The following PRKD3 variants were observed in gnomAD, a reference collection of about 807,000 sequenced individuals.
PRKD3 encodes the protein serine/threonine-protein kinase D3.
PRKD3 carries 47 observed loss-of-function variants against 99.2 expected under a neutral mutation model. The observed-to-expected ratio is 0.47, with a 90% CI of 0.38 to 0.60. The LOEUF is 0.60. Ranked by LOEUF, PRKD3 falls within the 20% of genes least tolerant of loss-of-function variation. The pLI, the probability that PRKD3 is intolerant of heterozygous loss-of-function variation, is 0.00. For missense variants in PRKD3, 1,019 were observed against 1,088.4 expected, an observed-to-expected ratio of 0.94 and a Z score of 0.90; for synonymous variants, 392 against 355.4, an observed-to-expected ratio of 1.10 and a Z score of -1.16.
At chr2:37,292,683 T>C (rs1670492244) in intron 3 of PRKD3, among the ~76,000 whole-genome samples, 1 of 151,688 alleles carries the variant, frequency 6.6e-6, no homozygotes, top group Non-Finnish European at 1.5e-5. Context: ...TCTCGCTCTG[T>C]TGTCCAGGCG....
chr2:37,280,078 G>GT (rs1157538703), intron 7 of PRKD3, 149 bp from the exon 8 acceptor site: 2 of 554,142 alleles, frequency 3.6e-6, no homozygotes, highest in Non-Finnish European at 5.9e-6. Context: ...TTGAGATAGA[G>GT]TTTCACTCTT....
At position 37,259,604 on chromosome 2, in the gene PRKD3, T is replaced by C; in HGVS notation, c.2124A>G (p.Ala708=). ...TCACCTGAGGAAATGGCTCTGCTGA[T>C]GCAAGCAGCACATTTTCTGGCTTTA... is the stretch of plus-strand genomic sequence containing the variant. The part of the protein sequence containing the change: ...CDLKPENVLL[A]SAEPFPQVKL... The change falls in exon 16 of 19, where the codon GCA becomes GCG. Residue 708 remains alanine (A), a synonymous_variant. Coordinates refer to ENST00000234179, the MANE Select transcript of PRKD3 (RefSeq NM_005813.6). The C allele has an allele frequency of 6.2e-7, 1 of 1,613,036 alleles. No individual in the cohort carries two copies. Among genetic ancestry groups the C allele is most frequent in the Non-Finnish European group, 8.5e-7 (1 of 1,179,022 alleles).
chr2:37,255,214 C>G (rs996715077), intron 17 of PRKD3, among the ~76,000 whole-genome samples: 1 of 152,188 alleles, frequency 6.6e-6, no homozygotes, highest in African/African-American at 2.4e-5. Flanking sequence ...TCTTCATTAC[C>G]AAGCAAACCT....
intron 2 of PRKD3, among the ~76,000 whole-genome samples, chr2:37,304,403 T>C (rs1671069458): frequency 6.6e-6 from 1 of 152,160 alleles, no homozygotes. Flanking sequence ...CTTGAATTTA[T>C]TAACTTTCAT....
intron 13 of PRKD3, chr2:37,269,385 A>C: frequency 1.9e-6 from 1 of 527,610 alleles, no homozygotes; most frequent in South Asian, 2.1e-5. Flanking sequence ...AAGAAGAGAT[A>C]AAACACACTG....
intron 2 of PRKD3, among the ~76,000 whole-genome samples, chr2:37,306,751 GT>G (rs1274460860): frequency 6.6e-6 from 1 of 152,204 alleles, no homozygotes; most frequent in Non-Finnish European, 1.5e-5. Context: ...CAAGGCTGCA[GT>G]GAGCCGTGAT....
chr2:37,305,665 G>GT (rs1668918414), intron 2 of PRKD3, among the ~76,000 whole-genome samples: 1 of 152,136 alleles, frequency 6.6e-6, no homozygotes, highest in African/African-American at 2.4e-5. Context: ...CTTTATCTCT[G>GT]TTTTTTATAG....
In PRKD3 at chr2:37,256,692, G is replaced by A; in HGVS notation, c.2383C>T (p.Pro795Ser). The change falls in exon 17 of 19, where the codon CCA becomes TCA. Residue 795 changes from proline (P) to serine (S), a missense_variant. By Grantham distance (74) the Pro-to-Ser change is moderately conservative. This residue lies in a region of PRKD3 where 125 missense variants were observed against 120.6 expected (regional missense o/e 1.04). Transcript: ENST00000234179. Reference protein sequence around the residue: ...QIQNAAFMYPPNPWREISGEA... With the variant: ...QIQNAAFMYPSNPWREISGEA... ...CCAGAAATTTCTCTCCATGGATTTGGTGGGTACATAAATGCAGCATTTTGG... is the reference window on the plus strand; with the variant it reads ...CCAGAAATTTCTCTCCATGGATTTGATGGGTACATAAATGCAGCATTTTGG... 2 of 1,551,404 alleles carry A rather than the reference G, an allele frequency of 1.3e-6. No individual in the cohort carries two copies. Among genetic ancestry groups the A allele is most frequent in the East Asian group, 4.8e-5 (2 of 41,890 alleles).
chr2:37,289,648 C>G (rs1173803112), intron 4 of PRKD3, 135 bp from the exon 5 acceptor site: 3 of 692,760 alleles, frequency 4.3e-6, no homozygotes, highest in East Asian at 2.9e-5. Context: ...AGAACCCAGA[C>G]AGCAGGCTAA....
intron 2 of PRKD3, among the ~76,000 whole-genome samples, chr2:37,301,504 G>C (rs955353365): frequency 6.6e-6 from 1 of 151,118 alleles, no homozygotes; most frequent in Non-Finnish European, 1.5e-5. Flanking sequence ...CTTGATCACT[G>C]CTCACTGCAA....
intron 12 of PRKD3, among the ~76,000 whole-genome samples, chr2:37,271,662 CCTA>C (rs1192765330): frequency 1.3e-5 from 2 of 152,158 alleles, no homozygotes; most frequent in Non-Finnish European, 1.5e-5. Context: ...GAGGGCAAAC[CCTA>C]CTGTGAACTG....
intron 12 of PRKD3, among the ~76,000 whole-genome samples, chr2:37,271,448 T>C (rs890189443): frequency 2.0e-5 from 3 of 152,242 alleles, no homozygotes; most frequent in Non-Finnish European, 2.9e-5. Flanking sequence ...ATGTATTGCC[T>C]ATAGCTGCTT....
intron 2 of PRKD3, among the ~76,000 whole-genome samples, chr2:37,295,182 C>T (rs762906954): frequency 3.3e-5 from 5 of 152,096 alleles, no homozygotes; most frequent in Non-Finnish European, 7.4e-5. Flanking sequence ...ACTGGCCCCA[C>T]AGTTTGTAAA....
intron 1 of PRKD3, among the ~76,000 whole-genome samples, chr2:37,321,324 T>C (rs1388539485): frequency 6.6e-6 from 1 of 152,192 alleles, no homozygotes; most frequent in Admixed American, 6.5e-5. Context: ...TCATTGTTAC[T>C]GGAATCAAAA....
intron 2 of PRKD3, among the ~76,000 whole-genome samples, chr2:37,310,487 C>T (rs934061870): frequency 6.6e-6 from 1 of 152,142 alleles, no homozygotes; most frequent in Non-Finnish European, 1.5e-5. Context: ...AACCCCAAAA[C>T]TAATGGTTTT....
chr2:37,287,383 TTC>T (rs1670172340), intron 5 of PRKD3, among the ~76,000 whole-genome samples: 2 of 152,232 alleles, frequency 1.3e-5, no homozygotes, highest in African/African-American at 2.4e-5. Flanking sequence ...TCCCTTTTTT[TTC>T]TTTTTTCTCC....
chr2:37,322,260 A>C (rs950657386), intron 1 of PRKD3, among the ~76,000 whole-genome samples: 1 of 151,980 alleles, frequency 6.6e-6, no homozygotes, highest in African/African-American at 2.4e-5. Flanking sequence ...GTATTTAAAA[A>C]CTCAAGTGTC....
intron 2 of PRKD3, among the ~76,000 whole-genome samples, chr2:37,305,589 C>G (rs992688028): frequency 6.6e-6 from 1 of 152,224 alleles, no homozygotes; most frequent in Non-Finnish European, 1.5e-5. Flanking sequence ...AAAGCACTTG[C>G]TACAGACTCT....
intron 5 of PRKD3, 135 bp from the exon 6 acceptor site, chr2:37,286,504 C>T: frequency 1.5e-6 from 1 of 674,264 alleles, no homozygotes; most frequent in Non-Finnish European, 2.4e-6. Flanking sequence ...TCAGCAGTTT[C>T]CTTTGCAATG....
Sources: gnomAD v4.1 joint callset for allele counts (sites outside exome capture counted in the v4.1 genomes callset) on GRCh38, gnomAD v4.1.1 for gene constraint, gnomAD v4.1.1 regional missense constraint, MANE v1.5 for transcripts, NCBI Gene and HGNC (gene_info 2026-07-23, HGNC 2026-07-21) for gene names.